USP10: variants seen among roughly 807,000 people sequenced by gnomAD.
USP10 encodes ubiquitin carboxyl-terminal hydrolase 10.
USP10 carries 22 observed loss-of-function variants against 84.5 expected under a neutral mutation model. The ratio of observed to expected loss-of-function variants is 0.26; its 90% CI spans 0.19 to 0.37. USP10 has a LOEUF of 0.37. Among genes scored for constraint, USP10 ranks in the 10% least tolerant of loss-of-function variants. USP10 has a pLI of 1.00. For synonymous variants in USP10, 454 were observed against 387.6 expected, an observed-to-expected ratio of 1.17 and a Z score of -2.01; for missense variants, 1,019 against 998.9, an observed-to-expected ratio of 1.02 and a Z score of -0.27.
At chr16:84,766,601 G>C (rs1913891297) in intron 10 of USP10, among the ~76,000 whole-genome samples, 1 of 152,196 alleles carries the variant, frequency 6.6e-6, no homozygotes, top group Non-Finnish European at 1.5e-5. Flanking sequence ...CAGAGGCCGG[G>C]TATCAGAATT....
chr16:84,750,661 G>A (rs887278284), intron 4 of USP10, among the ~76,000 whole-genome samples: 5 of 152,174 alleles, frequency 3.3e-5, no homozygotes, highest in African/African-American at 1.2e-4. Flanking sequence ...TGTATCAGAT[G>A]CTTTCACATC....
chr16:84,717,519 A>C (rs1019773131), intron 1 of USP10, among the ~76,000 whole-genome samples: 2 of 152,172 alleles, frequency 1.3e-5, no homozygotes, highest in Non-Finnish European at 2.9e-5. Context: ...TTGGTGCTCA[A>C]TAAGTGTCGA....
chr16:84,755,989 C>T (rs1412643027), intron 4 of USP10, among the ~76,000 whole-genome samples: 1 of 152,178 alleles, frequency 6.6e-6, no homozygotes, highest in Non-Finnish European at 1.5e-5. Flanking sequence ...TGAGAACCTT[C>T]TAGTATATCT....
In USP10 at chr16:84,745,536, C is replaced by G; in HGVS notation, c.1055C>G (p.Ser352Cys). The change falls in exon 4 of 14, where the codon TCT (serine) becomes TGT (cysteine). Residue 352 changes from serine (S) to cysteine (C), a missense_variant. By Grantham distance (112) the Ser-to-Cys change is moderately radical. Around this residue, in one of 2 missense-constraint regions of USP10, gnomAD observed 787 missense variants for 708.8 expected, o/e 1.11. Transcript: ENST00000219473. ...WASLFHDSKP[S>C]SSSPVAYVET... is the part of the protein sequence containing the mutation. ...AGCCTCTTTCATGATTCTAAGCCCT[C>G]TTCCTCCTCGCCGGTGGCCTATGTG... is the stretch of plus-strand genomic sequence containing the variant. 1 of 1,613,184 alleles carries G rather than the reference C, an allele frequency of 6.2e-7. No individual in the cohort carries two copies. Among genetic ancestry groups the G allele is most frequent in the Non-Finnish European group, 8.5e-7 (1 of 1,179,480 alleles).
intron 13 of USP10, among the ~76,000 whole-genome samples, chr16:84,777,395 C>G (rs941145267): frequency 6.6e-6 from 1 of 152,198 alleles, no homozygotes; most frequent in African/African-American, 2.4e-5. Flanking sequence ...TCAGTTAGGT[C>G]TGTGAGGTGA....
At position 84,772,697 on chromosome 16, in the gene USP10, A is replaced by G. The variant is rs759730040; in HGVS notation, c.2143+12A>G. 8.7e-6 allele frequency: 14 copies of G among 1,613,890 alleles called. No homozygotes were observed. The South Asian group carries it at 8.8e-5, about 10-fold the overall frequency. On this transcript the variant is annotated intron_variant, in intron 12 of 13. Transcript: ENST00000219473. ...GGAAATTAGTAAAGGTAATGCATAC[A>G]TAAGGTCGGGAGTGTTCGTGGTGAC...
intron 1 of USP10, among the ~76,000 whole-genome samples, chr16:84,713,216 A>G (rs1040535967): frequency 3.9e-5 from 6 of 152,100 alleles, no homozygotes; most frequent in Non-Finnish European, 8.8e-5. Flanking sequence ...GAACTCAGCT[A>G]TGTGCCAGGC....
intron 13 of USP10, among the ~76,000 whole-genome samples, chr16:84,776,450 A>G (rs1011659362): frequency 6.6e-6 from 1 of 151,978 alleles, no homozygotes; most frequent in Non-Finnish European, 1.5e-5. Context: ...TTCCTCCTCA[A>G]CTTGCTGGGC....
At chr16:84,726,792 C>T (rs1473263610) in intron 1 of USP10, among the ~76,000 whole-genome samples, 2 of 152,204 alleles carry the variant, frequency 1.3e-5, no homozygotes, top group Non-Finnish European at 2.9e-5. Context: ...GGAAGAAATG[C>T]CTGAAGCCCT....
intron 1 of USP10, among the ~76,000 whole-genome samples, chr16:84,706,616 C>T (rs1905552678): frequency 6.6e-6 from 1 of 151,568 alleles, no homozygotes; most frequent in East Asian, 1.9e-4. Flanking sequence ...TCTCGGCTCA[C>T]TGCAAGCTCC....
chr16:84,719,346 G>T (rs1021851781), intron 1 of USP10, among the ~76,000 whole-genome samples: 1 of 152,200 alleles, frequency 6.6e-6, no homozygotes, highest in African/African-American at 2.4e-5. Context: ...TGCCTGTAGT[G>T]ATGGAGCTTT....
intron 8 of USP10, among the ~76,000 whole-genome samples, chr16:84,761,439 G>T (rs1687978808): frequency 6.6e-6 from 1 of 152,236 alleles, no homozygotes; most frequent in African/African-American, 2.4e-5. Flanking sequence ...CGTGGCTATG[G>T]TTGCTGACAG....
At chr16:84,712,334 C>T (rs1331078700) in intron 1 of USP10, among the ~76,000 whole-genome samples, 1 of 152,158 alleles carries the variant, frequency 6.6e-6, no homozygotes, top group Admixed American at 6.5e-5. Flanking sequence ...AGGCCAACAC[C>T]ACATGGATGA....
chr16:84,748,575 A>ATT (rs1911530330), intron 4 of USP10, among the ~76,000 whole-genome samples: 2 of 152,294 alleles, frequency 1.3e-5, no homozygotes, highest in Admixed American at 6.5e-5. Context: ...AAGTGCTGAG[A>ATT]TTACAGGCGT....
intron 9 of USP10, among the ~76,000 whole-genome samples, chr16:84,763,640 A>G (rs1169671245): frequency 1.3e-5 from 2 of 152,216 alleles, no homozygotes; most frequent in African/African-American, 4.8e-5. Context: ...CAGGGATGTC[A>G]TTTCTAGGAG....
intron 1 of USP10, among the ~76,000 whole-genome samples, chr16:84,704,268 C>G (rs768972633): frequency 3.3e-5 from 5 of 152,236 alleles, no homozygotes; most frequent in Non-Finnish European, 5.9e-5. Context: ...GCTGAGGACA[C>G]TTATTACTGG....
At chr16:84,731,591 C>A (rs889689860) in intron 1 of USP10, among the ~76,000 whole-genome samples, 1 of 152,018 alleles carries the variant, frequency 6.6e-6, no homozygotes, top group African/African-American at 2.4e-5. Flanking sequence ...TTATAGAATT[C>A]TATGAAAAAA....
chr16:84,762,506 C>T (rs563440139), intron 8 of USP10, among the ~76,000 whole-genome samples: 2 of 152,230 alleles, frequency 1.3e-5, no homozygotes, highest in African/African-American at 4.8e-5. Flanking sequence ...GCCTGGCCGA[C>T]ATGGTGAAAC....
rs887571515 is a variant in USP10, at chr16:84,729,811, C to A, written c.22-3624C>A. ...GTGTTAAGGAAATTAAGTTGGAGTT[C>A]AAAACAGCCGTGGCTAGTGATTTGT... On this transcript the variant is annotated intron_variant, in intron 1 of 13. Transcript: ENST00000219473. Among the ~76,000 whole-genome samples the A allele has an allele frequency of 2.6e-5, 4 of 152,114 alleles. No individual in the cohort carries two copies. The East Asian group carries it at 5.8e-4, about 22-fold the overall frequency.
Sources: allele counts gnomAD v4.1 joint callset (sites outside exome capture counted in the v4.1 genomes callset), GRCh38; gene constraint gnomAD v4.1.1; regional missense constraint gnomAD v4.1.1; transcripts MANE v1.5; gene names NCBI Gene and HGNC (gene_info 2026-07-23, HGNC 2026-07-21).